GFRA1: variants seen among roughly 807,000 people sequenced by gnomAD.
GFRA1 encodes the protein GDNF family receptor alpha-1.
GFRA1 carries 16 observed loss-of-function variants against 51.6 expected under a neutral mutation model. That is an observed-to-expected ratio of 0.31 (90% CI 0.21 to 0.47). GFRA1 has a LOEUF of 0.47. GFRA1 is among the 20% of genes least tolerant of loss of function. The probability of loss-of-function intolerance (pLI) is 1.00; values close to 1 mark genes in which losing one functional copy is unlikely to be tolerated. For synonymous variants in GFRA1, 270 were observed against 241.3 expected (o/e 1.12, Z -1.10); for missense variants, 530 against 594.3 (o/e 0.89, Z 1.13).
intron 4 of GFRA1, among the ~76,000 whole-genome samples, chr10:116,224,568 T>G (rs964088397): frequency 2.6e-5 from 4 of 152,170 alleles, no homozygotes; most frequent in African/African-American, 9.7e-5. Context: ...GAAAGCATGA[T>G]CCTAAGTGAA....
intron 6 of GFRA1, among the ~76,000 whole-genome samples, chr10:116,100,952 G>A (rs1956796294): frequency 1.3e-5 from 2 of 152,186 alleles, no homozygotes; most frequent in African/African-American, 2.4e-5. Context: ...TGGGGCCCTG[G>A]TGGGAAAGAT....
At chr10:116,258,987 T>A (rs767772314) in intron 4 of GFRA1, among the ~76,000 whole-genome samples, 52 of 152,218 alleles carry the variant, frequency 3.4e-4, no homozygotes, top group Non-Finnish European at 6.5e-4. Context: ...ATATAGTGGT[T>A]TCATTGAGAA....
At chr10:116,211,195 A>G (rs973572825) in intron 5 of GFRA1, among the ~76,000 whole-genome samples, 2 of 152,186 alleles carry the variant, frequency 1.3e-5, no homozygotes, top group African/African-American at 4.8e-5. Flanking sequence ...CACCTCTACA[A>G]CAGTGGCATG....
intron 6 of GFRA1, among the ~76,000 whole-genome samples, chr10:116,113,372 C>T (rs1957288720): frequency 6.6e-6 from 1 of 152,016 alleles, no homozygotes; most frequent in Non-Finnish European, 1.5e-5. Context: ...CCATTGAGAT[C>T]CTCAGTAATT....
At chr10:116,141,352 T>C (rs1308998286) in intron 5 of GFRA1, among the ~76,000 whole-genome samples, 2 of 152,150 alleles carry the variant, frequency 1.3e-5, no homozygotes, top group East Asian at 1.9e-4. Context: ...CAATTAGAAA[T>C]GTAAGAGGCT....
intron 4 of GFRA1, among the ~76,000 whole-genome samples, chr10:116,225,534 C>CAA (rs756377767): frequency 1.1e-4 from 7 of 63,962 alleles, no homozygotes; most frequent in African/African-American, 4.1e-4. Context: ...AGTCTGTCTC[C>CAA]AAAAAAAAAA....
At chr10:116,197,688 A>G (rs1299033395) in intron 5 of GFRA1, among the ~76,000 whole-genome samples, 2 of 152,200 alleles carry the variant, frequency 1.3e-5, no homozygotes, top group African/African-American at 4.8e-5. Context: ...TGGGGGATAC[A>G]ACTAAACCCA....
At chr10:116,096,855 A>C (rs1377541397) in intron 6 of GFRA1, 91 bp from the exon 7 acceptor site, 4 of 727,538 alleles carry the variant, frequency 5.5e-6, no homozygotes, top group African/African-American at 5.4e-5. Context: ...TCCTTTGTTG[A>C]TATGCCTTTT....
intron 6 of GFRA1, among the ~76,000 whole-genome samples, chr10:116,121,694 G>GA (rs1444571704): frequency 6.6e-6 from 1 of 152,152 alleles, no homozygotes; most frequent in African/African-American, 2.4e-5. Flanking sequence ...GTGAGCTTTC[G>GA]AAGAATATGG....
rs879503483 is a variant in GFRA1 at position 116,155,636 on chromosome 10, A to AGC, written c.434-30080_434-30079insGC. ...CTTAAAGCATGGTCAGGTTCAGCAA[A>AGC]ATATGGTAACAAAGGCAAAGCTTGG... On this transcript the variant is annotated intron_variant, in intron 5 of 10. Transcript: ENST00000355422. Among the ~76,000 whole-genome samples the AGC allele has an allele frequency of 2.9e-3, 436 of 152,316 alleles. 4 individuals carry two copies. The highest frequency in any genetic ancestry group is 0.01 in the South Asian group (49 of 4,822).
intron 4 of GFRA1, among the ~76,000 whole-genome samples, chr10:116,219,752 T>C (rs1965797235): frequency 6.6e-6 from 1 of 152,236 alleles, no homozygotes; most frequent in South Asian, 2.1e-4. Context: ...GCTGAAGAGA[T>C]GGTCCATCTT....
intron 5 of GFRA1, among the ~76,000 whole-genome samples, chr10:116,206,624 T>C (rs1261113080): frequency 3.7e-4 from 5 of 13,522 alleles, no homozygotes; most frequent in Admixed American, 3.2e-3. Flanking sequence ...CACATTCTCT[T>C]TTTTTTTTTT....
chr10:116,164,763 C>T (rs1354699997), intron 5 of GFRA1, among the ~76,000 whole-genome samples: 9 of 152,132 alleles, frequency 5.9e-5, no homozygotes, highest in Admixed American at 2.0e-4. Context: ...ACTTTAGCAG[C>T]AATCCAGTGT....
intron 6 of GFRA1, among the ~76,000 whole-genome samples, chr10:116,118,724 G>T (rs1361460251): frequency 6.6e-6 from 1 of 152,188 alleles, no homozygotes; most frequent in Non-Finnish European, 1.5e-5. Context: ...TGTCCACAAT[G>T]ATCAACACAA....
At chr10:116,237,882 C>G (rs1007423970) in intron 4 of GFRA1, among the ~76,000 whole-genome samples, 2 of 152,176 alleles carry the variant, frequency 1.3e-5, no homozygotes, top group Admixed American at 6.5e-5. Context: ...GAAAAGGGTT[C>G]CTAGGGGCAA....
chr10:116,265,552 G>A (rs1174876019), intron 4 of GFRA1, among the ~76,000 whole-genome samples: 2 of 152,144 alleles, frequency 1.3e-5, no homozygotes, highest in African/African-American at 2.4e-5. Flanking sequence ...ATTGCCAACA[G>A]GTTCATCATC....
At chr10:116,081,298 G>A (rs929448058) in intron 9 of GFRA1, among the ~76,000 whole-genome samples, 2 of 152,218 alleles carry the variant, frequency 1.3e-5, no homozygotes. Flanking sequence ...GCTCGGAATT[G>A]AGTTGTACTG....
chr10:116,245,065 T>C (rs1032150453), intron 4 of GFRA1, among the ~76,000 whole-genome samples: 15 of 152,086 alleles, frequency 9.9e-5, no homozygotes, highest in African/African-American at 3.6e-4. Flanking sequence ...GTAAAAATGC[T>C]AAAAGAAAAT....
intron 6 of GFRA1, 113 bp from the exon 7 acceptor site, chr10:116,096,877 ACACG>A (rs72411923): frequency 0.25 from 99,786 of 400,158 alleles, 2,399 homozygotes; most frequent in Non-Finnish European, 0.29. Context: ...CTGCACACGC[ACACG>A]CACACACACA....
Sources: gnomAD v4.1 joint callset for allele counts (sites outside exome capture counted in the v4.1 genomes callset) on GRCh38, gnomAD v4.1.1 for gene constraint, MANE v1.5 for transcripts, NCBI Gene and HGNC (gene_info 2026-07-23, HGNC 2026-07-21) for gene names.